The following CHST9 variants were observed in gnomAD, a reference collection of about 807,000 sequenced individuals.
CHST9 encodes GalNAc-4-sulfotransferase 2.
CHST9 carries 41 observed loss-of-function variants against 44.4 expected under a neutral mutation model. The ratio of observed to expected loss-of-function variants is 0.92; its 90% CI spans 0.72 to 1.20. The LOEUF is 1.20. CHST9 is among the 50% of genes most tolerant of loss of function. The probability of loss-of-function intolerance (pLI) is 0.00; values close to 1 mark genes in which losing one functional copy is unlikely to be tolerated. For missense variants in CHST9, 504 were observed against 516.5 expected, an observed-to-expected ratio of 0.98 and a Z score of 0.23; for synonymous variants, 171 against 178.4, an observed-to-expected ratio of 0.96 and a Z score of 0.33.
intron 2 of CHST9, among the ~76,000 whole-genome samples, chr18:27,059,470 TTTAGAG>T (rs1471791218): frequency 1.3e-5 from 2 of 152,214 alleles, no homozygotes; most frequent in African/African-American, 4.8e-5. Flanking sequence ...TTTAATATTA[TTTAGAG>T]TTAATTTTCT....
Position 27,095,435 on chromosome 18 carries a change from T to A in CHST9, c.122-46932A>T, listed in dbSNP as rs570352225. Among the ~76,000 whole-genome samples the A allele has an allele frequency of 3.9e-5, 6 of 152,250 alleles. No homozygotes were observed. In the East Asian group the frequency reaches 9.6e-4, roughly 24 times the overall value. On this transcript the variant is annotated intron_variant, in intron 2 of 5. Coordinates refer to ENST00000618847, the MANE Select transcript of CHST9 (RefSeq NM_031422.6). ...TTCATGTTAGGATCAAAACCTCATA[T>A]GTCAATATTAACTTTGAATGTAAAT...
At chr18:26,953,826 C>A (rs1472865271) in intron 4 of CHST9, among the ~76,000 whole-genome samples, 2 of 152,148 alleles carry the variant, frequency 1.3e-5, no homozygotes, top group African/African-American at 4.8e-5. Flanking sequence ...TGGCTCTGTT[C>A]TCCCCTTTTC....
chr18:27,060,197 C>A (rs1371027088), intron 2 of CHST9, among the ~76,000 whole-genome samples: 1 of 152,114 alleles, frequency 6.6e-6, no homozygotes. Context: ...AAGAAATTCA[C>A]AGTCAAGGTT....
At chr18:27,096,171 G>C (rs144704038) in intron 2 of CHST9, among the ~76,000 whole-genome samples, 2 of 152,140 alleles carry the variant, frequency 1.3e-5, no homozygotes, top group East Asian at 3.9e-4. Flanking sequence ...TAAACAACTT[G>C]CTCTTGAATG....
intron 2 of CHST9, among the ~76,000 whole-genome samples, chr18:27,140,182 G>A (rs1027899268): frequency 2.0e-5 from 3 of 152,086 alleles, no homozygotes; most frequent in Non-Finnish European, 2.9e-5. Context: ...CGTGGACCTC[G>A]TAGCAGTACA....
intron 4 of CHST9, among the ~76,000 whole-genome samples, chr18:26,980,963 T>C (rs1228763927): frequency 2.6e-5 from 4 of 152,176 alleles, no homozygotes; most frequent in Non-Finnish European, 5.9e-5. Flanking sequence ...CTTGTTCAGT[T>C]TTTCTTCAAC....
At chr18:27,033,384 A>T (rs2057360455) in intron 3 of CHST9, among the ~76,000 whole-genome samples, 1 of 152,164 alleles carries the variant, frequency 6.6e-6, no homozygotes, top group Non-Finnish European at 1.5e-5. Flanking sequence ...TTCAAGATCA[A>T]CGTCTCAGTT....
At chr18:27,111,815 T>C (rs1222704494) in intron 2 of CHST9, among the ~76,000 whole-genome samples, 1 of 152,176 alleles carries the variant, frequency 6.6e-6, no homozygotes, top group Non-Finnish European at 1.5e-5. Flanking sequence ...AGGGCCTGAA[T>C]AGCACAAAAA....
intron 4 of CHST9, among the ~76,000 whole-genome samples, chr18:26,998,846 C>T (rs1302484461): frequency 6.6e-6 from 1 of 151,946 alleles, no homozygotes; most frequent in East Asian, 1.9e-4. Context: ...CCTGTCAATG[C>T]TGGCAGTCTC....
chr18:27,137,298 T>TTA lies in CHST9; in HGVS notation c.121+5389_121+5390dup, dbSNP rs1270740064. On this transcript the variant is annotated intron_variant, in intron 2 of 5. Transcript: ENST00000618847. ...ATATAATCTGTATATATTGATTTAT[T>TTA]TATATATGTGTGTGTGTGTGTGTGT... Among the ~76,000 whole-genome samples, 61 of 35,294 alleles carry TTA rather than the reference T, an allele frequency of 1.7e-3. 1 individual carries two copies. The highest frequency in any genetic ancestry group is 6.9e-3 in the African/African-American group (54 of 7,852). 23.2% of individuals were successfully genotyped at this position (35,294 alleles called of 152,430 possible). A position where few individuals can be genotyped will look rare whatever the true frequency, so the allele number is the denominator to read the frequency against.
chr18:27,179,693 C>T (rs1426877), intron 1 of CHST9, among the ~76,000 whole-genome samples: 107,726 of 151,934 alleles, frequency 0.71, 38,385 homozygotes, highest in East Asian at 0.77. Context: ...AACTGTATAA[C>T]CTGGTACATA....
chr18:27,139,296 A>G (rs1232678823), intron 2 of CHST9, among the ~76,000 whole-genome samples: 2 of 152,152 alleles, frequency 1.3e-5, no homozygotes, highest in Admixed American at 1.3e-4. Flanking sequence ...AACCAGCATT[A>G]CTTATAGAAA....
chr18:27,044,916 A>G lies in CHST9; in HGVS notation c.160+3549T>C, dbSNP rs565957197. Reference sequence around the variant, plus strand: ...TAAAAAGTTTTAAAATGGAGGTGCCATTGCTGTTGTAGAACATTTCCAAGC... The same window carrying G: ...TAAAAAGTTTTAAAATGGAGGTGCCGTTGCTGTTGTAGAACATTTCCAAGC... On this transcript the variant is annotated intron_variant, in intron 3 of 5. Transcript: ENST00000618847. Among the ~76,000 whole-genome samples the G allele has an allele frequency of 1.6e-4, 25 of 152,074 alleles. No homozygotes were observed. In the South Asian group the frequency reaches 4.1e-3, roughly 25 times the overall value.
At chr18:27,168,862 A>G (rs1428678378) in intron 1 of CHST9, among the ~76,000 whole-genome samples, 1 of 152,200 alleles carries the variant, frequency 6.6e-6, no homozygotes, top group Admixed American at 6.5e-5. Context: ...GTAAAGGGAG[A>G]TTACCCTGGG....
intron 1 of CHST9, among the ~76,000 whole-genome samples, chr18:27,167,241 A>G (rs990587005): frequency 6.6e-6 from 1 of 152,150 alleles, no homozygotes; most frequent in Non-Finnish European, 1.5e-5. Context: ...TAAACTCTTC[A>G]CCTAAAAAGC....
At chr18:27,057,039 C>T (rs1598681663) in intron 2 of CHST9, among the ~76,000 whole-genome samples, 1 of 152,150 alleles carries the variant, frequency 6.6e-6, no homozygotes, top group East Asian at 1.9e-4. Flanking sequence ...TTTGGAGTGG[C>T]CACCAACTGT....
intron 1 of CHST9, among the ~76,000 whole-genome samples, chr18:27,151,752 C>A (rs2058661323): frequency 6.6e-6 from 1 of 152,084 alleles, no homozygotes; most frequent in Non-Finnish European, 1.5e-5. Context: ...CCTCTAGCAG[C>A]TAAAAAAGAC....
chr18:26,946,188 A>T (rs751411626), intron 4 of CHST9, among the ~76,000 whole-genome samples: 1 of 152,318 alleles, frequency 6.6e-6, no homozygotes, highest in Non-Finnish European at 1.5e-5. Context: ...AGAAGAGACA[A>T]CATGGCTTGT....
intron 1 of CHST9, among the ~76,000 whole-genome samples, chr18:27,179,765 T>C (rs1210086839): frequency 1.3e-5 from 2 of 152,126 alleles, no homozygotes; most frequent in African/African-American, 2.4e-5. Context: ...AAAAATAGTT[T>C]AGTTATTTCA....
Sources: allele counts gnomAD v4.1 joint callset (sites outside exome capture counted in the v4.1 genomes callset), GRCh38; gene constraint gnomAD v4.1.1; transcripts MANE v1.5; gene names NCBI Gene and HGNC (gene_info 2026-07-23, HGNC 2026-07-21).